The following GRM7 variants were observed in gnomAD, a reference collection of about 807,000 sequenced individuals.
GRM7 encodes the protein glutamate metabotropic receptor 7, also known as metabotropic glutamate receptor 7.
Under a neutral mutation model 84.5 loss-of-function variants are expected in GRM7, and 35 were observed. That is an observed-to-expected ratio of 0.41 (90% confidence interval 0.32 to 0.55). The LOEUF (loss-of-function observed/expected upper bound fraction) is 0.55, where lower values mean the gene tolerates loss of function less well. Among genes scored for constraint, GRM7 ranks in the 20% least tolerant of loss-of-function variants. GRM7 has a pLI of 0.19. For missense variants in GRM7, 1,003 were observed against 1,194.6 expected (o/e 0.84, Z 2.36); for synonymous variants, 487 against 455.1 (o/e 1.07, Z -0.89).
intron 2 of GRM7, among the ~76,000 whole-genome samples, chr3:7,245,949 T>C (rs1255630910): frequency 6.6e-6 from 1 of 152,050 alleles, no homozygotes; most frequent in Non-Finnish European, 1.5e-5. Flanking sequence ...GAGCAAAATA[T>C]GAACATGATT....
rs1224233596 is a variant in GRM7 at position 7,601,566 on chromosome 3, A to C, written c.2451+22209A>C. Among the ~76,000 whole-genome samples the C allele has an allele frequency of 2.6e-5, 4 of 152,182 alleles. No individual in the cohort carries two copies. In the East Asian group the frequency reaches 7.7e-4, roughly 29 times the overall value. On this transcript the variant is annotated intron_variant, in intron 8 of 9. Coordinates refer to ENST00000357716, the MANE Select transcript of GRM7 (RefSeq NM_000844.4). ...GCTCAATGCTTAGAAGAAAAGATGCAGCAAATCTTGTATCTATTTAAAATG... is the reference window on the plus strand; with the variant it reads ...GCTCAATGCTTAGAAGAAAAGATGCCGCAAATCTTGTATCTATTTAAAATG...
chr3:7,348,476 C>T (rs1692989387), intron 4 of GRM7, among the ~76,000 whole-genome samples: 1 of 151,976 alleles, frequency 6.6e-6, no homozygotes, highest in African/African-American at 2.4e-5. Context: ...CAGAATATTC[C>T]TTATTCATTT....
chr3:7,304,283 A>G (rs1226182427), intron 3 of GRM7, among the ~76,000 whole-genome samples: 1 of 119,082 alleles, frequency 8.4e-6, no homozygotes, highest in Non-Finnish European at 1.9e-5. Context: ...TATTGAAGCC[A>G]TTGCTCCATC....
chr3:7,427,746 C>G (rs1183247865), intron 5 of GRM7, among the ~76,000 whole-genome samples: 2 of 152,102 alleles, frequency 1.3e-5, no homozygotes, highest in Non-Finnish European at 2.9e-5. Context: ...TTTTACTCCC[C>G]TCTGAGATCA....
At chr3:7,073,150 T>A (rs1222685797) in intron 1 of GRM7, among the ~76,000 whole-genome samples, 3 of 152,178 alleles carry the variant, frequency 2.0e-5, no homozygotes, top group African/African-American at 4.8e-5. Context: ...AGTACTAATT[T>A]AATTTTAAAG....
At chr3:6,895,107 A>G (rs529317942) in intron 1 of GRM7, among the ~76,000 whole-genome samples, 1 of 152,286 alleles carries the variant, frequency 6.6e-6, no homozygotes, top group Non-Finnish European at 1.5e-5. Context: ...GTGCCAATAG[A>G]TGAACCAGGT....
In GRM7 at chr3:7,665,363, G is replaced by C. The variant is rs372479329; in HGVS notation, c.2452-14686G>C. Among the ~76,000 whole-genome samples the C allele has an allele frequency of 2.8e-3, 424 of 151,860 alleles. 7 individuals are homozygous for C. Among genetic ancestry groups the C allele is most frequent in the Middle Eastern group, 0.017 (5 of 294 alleles). ...ATTTTTTTTTTGTATTTTTAGTAGA[G>C]ACGGGGTTTCACCGTGTTAGCCAGG... On this transcript the variant is annotated intron_variant, in intron 8 of 9. Transcript: ENST00000357716.
intron 1 of GRM7, among the ~76,000 whole-genome samples, chr3:6,927,221 A>T (rs1159625390): frequency 6.6e-6 from 1 of 152,120 alleles, no homozygotes; most frequent in African/African-American, 2.4e-5. Context: ...TGAGGCCAGG[A>T]GTTTGAGACC....
intron 1 of GRM7, among the ~76,000 whole-genome samples, chr3:6,977,513 G>A (rs917115488): frequency 2.6e-5 from 4 of 152,108 alleles, no homozygotes; most frequent in East Asian, 1.9e-4. Flanking sequence ...AAGATGGGAC[G>A]TCTAAATTTA....
intron 7 of GRM7, among the ~76,000 whole-genome samples, chr3:7,532,450 G>A (rs112037937): frequency 0.091 from 13,786 of 151,856 alleles, 775 homozygotes; most frequent in Non-Finnish European, 0.11. Flanking sequence ...TGTATTTCTG[G>A]GGGATCAGTG....
At chr3:7,593,242 A>G (rs1234222985) in intron 8 of GRM7, among the ~76,000 whole-genome samples, 1 of 152,112 alleles carries the variant, frequency 6.6e-6, no homozygotes, top group Non-Finnish European at 1.5e-5. Flanking sequence ...GAGTGGCCCC[A>G]TATTCATAGC....
At chr3:7,624,001 A>G (rs1340340848) in intron 8 of GRM7, among the ~76,000 whole-genome samples, 4 of 152,132 alleles carry the variant, frequency 2.6e-5, no homozygotes, top group Non-Finnish European at 5.9e-5. Flanking sequence ...ATATGGTACA[A>G]TGGATGAACA....
At chr3:7,655,473 A>G (rs1007754381) in intron 8 of GRM7, among the ~76,000 whole-genome samples, 13 of 152,228 alleles carry the variant, frequency 8.5e-5, no homozygotes, top group Admixed American at 6.5e-4. Context: ...CATATCTGCA[A>G]AGCCCCTTTT....
At chr3:6,984,410 C>T (rs759007072) in intron 1 of GRM7, among the ~76,000 whole-genome samples, 2 of 152,164 alleles carry the variant, frequency 1.3e-5, no homozygotes, top group Admixed American at 6.5e-5. Context: ...ATTACAATGG[C>T]AGTCCTTAGT....
At chr3:7,321,877 C>T (rs536801909) in intron 4 of GRM7, among the ~76,000 whole-genome samples, 6 of 152,186 alleles carry the variant, frequency 3.9e-5, no homozygotes, top group South Asian at 2.1e-4. Context: ...TTTCAACTAT[C>T]GACATCATTC....
intron 7 of GRM7, among the ~76,000 whole-genome samples, chr3:7,573,068 C>G (rs1204980413): frequency 6.6e-6 from 1 of 150,904 alleles, no homozygotes; most frequent in Non-Finnish European, 1.5e-5. Context: ...TTAAAAATGT[C>G]TTGAGGTGTT....
At position 7,229,741 on chromosome 3, in the gene GRM7, ATATATATATATATATATATTTTTTTT is replaced by A. The variant is rs1559514572; in HGVS notation, c.737-68941_737-68916del. 4.8e-3 allele frequency among the ~76,000 whole-genome samples: 184 copies of A among 38,072 alleles called. 14 individuals carry two copies. The highest frequency in any genetic ancestry group is 0.016 in the African/African-American group (175 of 10,736). 25.0% of individuals were successfully genotyped at this position (38,072 alleles called of 152,430 possible). On this transcript the variant is annotated intron_variant, in intron 2 of 9. Coordinates refer to ENST00000357716, the MANE Select transcript of GRM7 (RefSeq NM_000844.4). ...TAGACACACACATATATATATATAT[ATATATATATATATATATATTTTTTTT>A]TTTTTTTGGTTGACAGGTGTTGAGT... is the stretch of plus-strand genomic sequence containing the variant.
intron 1 of GRM7, among the ~76,000 whole-genome samples, chr3:7,018,667 G>A (rs1369010574): frequency 6.6e-6 from 1 of 152,206 alleles, no homozygotes. Context: ...AAGCTAGTCA[G>A]AGCAAAGAGG....
At chr3:7,435,432 A>G (rs1167261225) in intron 5 of GRM7, among the ~76,000 whole-genome samples, 1 of 152,090 alleles carries the variant, frequency 6.6e-6, no homozygotes, top group Non-Finnish European at 1.5e-5. Flanking sequence ...CTGGGATTAC[A>G]GGTATGAGCC....
Sources: gnomAD v4.1 joint callset for allele counts (sites outside exome capture counted in the v4.1 genomes callset) on GRCh38, gnomAD v4.1.1 for gene constraint, MANE v1.5 for transcripts, NCBI Gene and HGNC (gene_info 2026-07-23, HGNC 2026-07-21) for gene names.